PIEZO2: variants seen among roughly 807,000 people sequenced by gnomAD.
The protein encoded by PIEZO2 is piezo-type mechanosensitive ion channel component 2.
A neutral mutation model predicts 337.3 loss-of-function variants in PIEZO2; 172 were observed. That is an observed-to-expected ratio of 0.51 (90% CI 0.45 to 0.58). PIEZO2 has a LOEUF of 0.58. Among genes scored for constraint, PIEZO2 ranks in the 20% least tolerant of loss-of-function variants. The pLI is 0.00. For missense variants in PIEZO2, 3,028 were observed against 3,391.3 expected (o/e 0.89, Z 2.66); for synonymous variants, 1,251 against 1,228.5 (o/e 1.02, Z -0.38).
In PIEZO2 at chr18:10,724,019, G is replaced by A. The variant is rs770356675; in HGVS notation, c.5030-5760C>T. Among the ~76,000 whole-genome samples, 2 of 152,188 alleles carry A rather than the reference G, an allele frequency of 1.3e-5. No individual in the cohort carries two copies. Among genetic ancestry groups the A allele is most frequent in the Non-Finnish European group, 2.9e-5 (2 of 68,034 alleles). ...GAGAAGATGCCATAGGCAGAAGGCA[G>A]CCCCTGAGGCCTTCTCACCTACCTA... On this transcript the variant is annotated intron_variant, in intron 36 of 55. Transcript: ENST00000674853. The surrounding 1 kb of genome is among the most constrained non-coding windows in gnomAD (Gnocchi z 5.8).
At chr18:11,106,623 A>T (rs972795649) in intron 1 of PIEZO2, among the ~76,000 whole-genome samples, 2 of 151,836 alleles carry the variant, frequency 1.3e-5, no homozygotes, top group East Asian at 3.9e-4. Context: ...TATGGTGCCC[A>T]GGCTGATCTC....
At chr18:10,959,479 T>A (rs942483940) in intron 3 of PIEZO2, among the ~76,000 whole-genome samples, 2 of 152,186 alleles carry the variant, frequency 1.3e-5, no homozygotes, top group Admixed American at 1.3e-4. Flanking sequence ...CAATCCACTG[T>A]AAAGGTTGAC....
intron 35 of PIEZO2, among the ~76,000 whole-genome samples, chr18:10,734,597 C>T (rs777079953): frequency 2.6e-5 from 4 of 152,130 alleles, no homozygotes; most frequent in Admixed American, 6.5e-5. Flanking sequence ...AATGTTTTTC[C>T]GTAACGAAGC....
At chr18:11,039,524 C>T (rs1422419099) in intron 2 of PIEZO2, among the ~76,000 whole-genome samples, 1 of 151,986 alleles carries the variant, frequency 6.6e-6, no homozygotes, top group Non-Finnish European at 1.5e-5. Context: ...CTGAATACTC[C>T]TTTCTCACTC....
chr18:10,700,932 T>G (rs1378142042), intron 43 of PIEZO2, among the ~76,000 whole-genome samples: 2 of 152,164 alleles, frequency 1.3e-5, no homozygotes, highest in African/African-American at 4.8e-5. Context: ...TTTGGGTACT[T>G]TGCAAAGTGA....
At chr18:10,820,289 A>G (rs1030788062) in intron 7 of PIEZO2, among the ~76,000 whole-genome samples, 10 of 150,036 alleles carry the variant, frequency 6.7e-5, no homozygotes, top group Non-Finnish European at 1.5e-4. Context: ...TTCTCCAGTT[A>G]TACTTCTGTT....
At chr18:10,768,505 A>C (rs932353902) in intron 21 of PIEZO2, among the ~76,000 whole-genome samples, 1 of 152,256 alleles carries the variant, frequency 6.6e-6, no homozygotes, top group Non-Finnish European at 1.5e-5. Context: ...GACATCACGC[A>C]CAACACGAGT....
rs10694670 is a variant in PIEZO2, at chr18:10,795,351, ATTATTTTATT to A, written c.1528-359_1528-350del. 0.035 allele frequency among the ~76,000 whole-genome samples: 716 copies of A among 20,388 alleles called. 3 individuals carry two copies. The highest frequency in any genetic ancestry group is 0.047 in the South Asian group (24 of 510). 13.4% of individuals were successfully genotyped at this position (20,388 alleles called of 152,430 possible). A position where few individuals can be genotyped will look rare whatever the true frequency, so the allele number is the denominator to read the frequency against. On this transcript the variant is annotated intron_variant, in intron 12 of 55. Transcript: ENST00000674853. This position sits in a 1 kb window ranked among gnomAD's most constrained non-coding sequence, Gnocchi z 4.4. Reference sequence around the variant, plus strand: ...ATTTTATTTTATTTTATTTTATTTTATTATTTTATTTTATTTTATTTTATTTTATTTTATT... The same window carrying A: ...ATTTTATTTTATTTTATTTTATTTTATTATTTTATTTTATTTTATTTTATT...
At chr18:10,932,107 T>G (rs1347825510) in intron 3 of PIEZO2, among the ~76,000 whole-genome samples, 1 of 152,260 alleles carries the variant, frequency 6.6e-6, no homozygotes, top group East Asian at 1.9e-4. Flanking sequence ...TGGTGGTATT[T>G]GAGTATTTTT....
In PIEZO2 at chr18:10,795,344, T is replaced by A. The variant is rs2039548005; in HGVS notation, c.1528-342A>T. Among the ~76,000 whole-genome samples, 2 of 19,668 alleles carry A rather than the reference T, an allele frequency of 1.0e-4. No individual in the cohort carries two copies. Among genetic ancestry groups the A allele is most frequent in the African/African-American group, 3.4e-4 (2 of 5,874 alleles). The allele number at this position is 19,668 out of a possible 152,430, so 12.9% of individuals were successfully genotyped here. A position where few individuals can be genotyped will look rare whatever the true frequency, so the allele number is the denominator to read the frequency against. On this transcript the variant is annotated intron_variant, in intron 12 of 55. Transcript: ENST00000674853. The surrounding 1 kb of genome is among the most constrained non-coding windows in gnomAD (Gnocchi z 4.4). ...TTATTTTATTTTATTTTATTTTATT[T>A]TATTTTATTATTTTATTTTATTTTA...
Position 10,822,759 on chromosome 18 carries a change from C to T in PIEZO2, c.918-15485G>A, listed in dbSNP as rs372814011. 7.9e-5 allele frequency among the ~76,000 whole-genome samples: 12 copies of T among 152,240 alleles called. No homozygotes were observed. In the South Asian group the frequency reaches 2.3e-3, roughly 29 times the overall value. Reference sequence around the variant, plus strand: ...TGTGAACGCGTTGGGGTGCACTAAGCGGCTAATGAATGTCTACTTGCCAAG... The same window carrying T: ...TGTGAACGCGTTGGGGTGCACTAAGTGGCTAATGAATGTCTACTTGCCAAG... On this transcript the variant is annotated intron_variant, in intron 7 of 55. Transcript: ENST00000674853.
Position 10,978,469 on chromosome 18 carries a change from G to A in PIEZO2, c.286+1066C>T, listed in dbSNP as rs370891790. 2.2e-4 allele frequency among the ~76,000 whole-genome samples: 34 copies of A among 152,214 alleles called. No individual in the cohort carries two copies. In the South Asian group the frequency reaches 3.7e-3, roughly 17 times the overall value. On this transcript the variant is annotated intron_variant, in intron 3 of 55. Coordinates refer to ENST00000674853, the MANE Select transcript of PIEZO2 (RefSeq NM_001378183.1). Reference sequence around the variant, plus strand: ...CCTTAAAAATAGATCTTAAAAAATCGTCTTGATAGGCATTGTTATCAAAGG... The same window carrying A: ...CCTTAAAAATAGATCTTAAAAAATCATCTTGATAGGCATTGTTATCAAAGG...
rs1179721634 is a variant in PIEZO2, at chr18:11,148,407, C to T, written c.64+118G>A. The T allele has an allele frequency of 9.3e-6, 11 of 1,188,842 alleles. 1 individual carries two copies. The highest frequency in any genetic ancestry group is 7.0e-5 in the South Asian group (5 of 71,354). 73.6% of individuals were successfully genotyped at this position (1,188,842 alleles called of 1,614,324 possible). On this transcript the variant is annotated intron_variant, in intron 1 of 55. Coordinates refer to ENST00000674853, the MANE Select transcript of PIEZO2 (RefSeq NM_001378183.1). The surrounding 1 kb of genome is among the most constrained non-coding windows in gnomAD (Gnocchi z 5.2). Reference sequence around the variant, plus strand: ...ACCAGGGACAGCGCGCGTCTGACGCCGCTGGCCTCCCGAATCGAACCCCAG... The same window carrying T: ...ACCAGGGACAGCGCGCGTCTGACGCTGCTGGCCTCCCGAATCGAACCCCAG...
rs573271093 is a variant in PIEZO2, at chr18:11,047,233, C to T, written c.160+18894G>A. On this transcript the variant is annotated intron_variant, in intron 2 of 55. Coordinates refer to ENST00000674853, the MANE Select transcript of PIEZO2 (RefSeq NM_001378183.1). This position sits in a 1 kb window ranked among gnomAD's most constrained non-coding sequence, Gnocchi z 7.2. ...CTCAGAGAATGGACGCAAACTTGTCCGAGCTGTTGGATGGTCAGCTAAGGT... is the reference window on the plus strand; with the variant it reads ...CTCAGAGAATGGACGCAAACTTGTCTGAGCTGTTGGATGGTCAGCTAAGGT... Among the ~76,000 whole-genome samples, 8 of 152,246 alleles carry T rather than the reference C, an allele frequency of 5.3e-5. No homozygotes were observed. The highest frequency in any genetic ancestry group is 8.8e-5 in the Non-Finnish European group (6 of 68,026).
At position 11,016,524 on chromosome 18, in the gene PIEZO2, GGT is replaced by G. The variant is rs1471816933; in HGVS notation, c.161-36866_161-36865del. 1.3e-5 allele frequency among the ~76,000 whole-genome samples: 2 copies of G among 152,138 alleles called. No homozygotes were observed. Among genetic ancestry groups the G allele is most frequent in the Middle Eastern group, 3.2e-3 (1 of 316 alleles). On this transcript the variant is annotated intron_variant, in intron 2 of 55. Coordinates refer to ENST00000674853, the MANE Select transcript of PIEZO2 (RefSeq NM_001378183.1). The surrounding 1 kb of genome is among the most constrained non-coding windows in gnomAD (Gnocchi z 5.6). ...GTCGGGTTAAGCGGCTTAACAAAGA[GGT>G]GTGCCCGAGAAATGCAATTAGTTCA...
intron 4 of PIEZO2, among the ~76,000 whole-genome samples, chr18:10,889,682 T>A (rs973807643): frequency 1.2e-4 from 19 of 152,122 alleles, no homozygotes; most frequent in African/African-American, 4.6e-4. Flanking sequence ...AAGGTACAGG[T>A]GAAGCAGGAC....
At position 10,743,649 on chromosome 18, in the gene PIEZO2, G is replaced by T. The variant is rs73389031; in HGVS notation, c.4514+493C>A. Reference sequence around the variant, plus strand: ...CATCAGTTTCTTTCCAAAGAGACTGGATGATATTATCTAAAACTATGCTTC... The same window carrying T: ...CATCAGTTTCTTTCCAAAGAGACTGTATGATATTATCTAAAACTATGCTTC... On this transcript the variant is annotated intron_variant, in intron 31 of 55. Transcript: ENST00000674853. 3.6e-3 allele frequency among the ~76,000 whole-genome samples: 548 copies of T among 152,226 alleles called. 2 individuals carry two copies. Among genetic ancestry groups the T allele is most frequent in the African/African-American group, 0.012 (504 of 41,518 alleles).
intron 45 of PIEZO2, among the ~76,000 whole-genome samples, chr18:10,697,536 T>A (rs138343649): frequency 5.2e-4 from 79 of 152,344 alleles, no homozygotes; most frequent in African/African-American, 1.9e-3. Context: ...AGAAAAAGCA[T>A]GTGCATAAAT....
At chr18:11,144,600 A>G (rs2040759640) in intron 1 of PIEZO2, among the ~76,000 whole-genome samples, 1 of 152,250 alleles carries the variant, frequency 6.6e-6, no homozygotes, top group African/African-American at 2.4e-5. Flanking sequence ...TATTTCAAAA[A>G]TGAGCCCAAA....
Sources: allele counts gnomAD v4.1 joint callset (sites outside exome capture counted in the v4.1 genomes callset), GRCh38; gene constraint gnomAD v4.1.1; non-coding constraint Gnocchi (gnomAD v3.1); transcripts MANE v1.5; gene names NCBI Gene and HGNC (gene_info 2026-07-23, HGNC 2026-07-21).